Variants in ZNF782 observed in about 807,000 individuals in gnomAD.
ZNF782 encodes zinc finger protein 782.
Under a neutral mutation model 13.0 loss-of-function variants are expected in ZNF782, and 12 were observed. The ratio of observed to expected loss-of-function variants is 0.92; its 90% confidence interval spans 0.59 to 1.50. The LOEUF (loss-of-function observed/expected upper bound fraction) is 1.50. Ranked by LOEUF, ZNF782 falls within the 40% of genes most tolerant of loss-of-function variation. ZNF782 has a pLI of 0.00. For synonymous variants in ZNF782, 284 were observed against 283.0 expected (o/e 1.00, Z -0.04); for missense variants, 770 against 822.9 (o/e 0.94, Z 0.79).
At chr9:96,856,750 A>G (rs897657997), upstream of ZNF782, among the ~76,000 whole-genome samples, 7 of 147,088 alleles carry the variant, frequency 4.8e-5, no homozygotes, top group African/African-American at 1.9e-4. Flanking sequence ...TAGCAGGGTT[A>G]GAGGAATCCC....
At chr9:96,826,764 GCAGATGCTAGA>G (rs1202810045) in intron 5 of ZNF782, among the ~76,000 whole-genome samples, 1 of 152,102 alleles carries the variant, frequency 6.6e-6, no homozygotes, top group African/African-American at 2.4e-5. Context: ...TGTAATTTTG[GCAGATGCTAGA>G]CAGAGGGTGT....
chr9:96,912,380 G>T, the ZNF782 span, among the ~76,000 whole-genome samples: 1 of 149,064 alleles, frequency 6.7e-6, no homozygotes, highest in Non-Finnish European at 1.5e-5. Flanking sequence ...CAAAAAATTG[G>T]CTGGGCGTAG....
chr9:96,887,320 AG>A, the ZNF782 span: 16 of 149,028 alleles, frequency 1.1e-4, no homozygotes, highest in African/African-American at 3.1e-4. Context: ...GAAGGAAGGA[AG>A]GAAGGAAGGA....
chr9:96,859,097 G>T (rs114760174), upstream of ZNF782, among the ~76,000 whole-genome samples: 1,499 of 152,050 alleles, frequency 9.9e-3, 21 homozygotes, highest in African/African-American at 0.034. Context: ...GTGCTAGCCA[G>T]AAGGGAATTG....
the ZNF782 span, among the ~76,000 whole-genome samples, chr9:96,904,896 T>G: frequency 8.3e-6 from 1 of 119,834 alleles, no homozygotes; most frequent in Non-Finnish European, 1.5e-5. Context: ...GTTCATTTTT[T>G]TGCAGGATGA....
intron 1 of ZNF782, among the ~76,000 whole-genome samples, chr9:96,865,419 T>C (rs1378109175): frequency 6.6e-6 from 1 of 152,356 alleles, no homozygotes; most frequent in African/African-American, 2.4e-5. Flanking sequence ...CTCGTCTGTT[T>C]GCCTGCTGCC....
At chr9:96,893,999 C>CAAAAAAAAAAAAAAAAAAAAAAAA in the ZNF782 span, 1 of 48,888 alleles carries the variant, frequency 2.0e-5, no homozygotes, top group East Asian at 4.2e-4. Context: ...GACTCCGTCT[C>CAAAAAAAAAAAAAAAAAAAAAAAA]AAAAAAAAAA....
At chr9:96,910,782 G>T in the ZNF782 span, among the ~76,000 whole-genome samples, 3 of 148,446 alleles carry the variant, frequency 2.0e-5, no homozygotes, top group Non-Finnish European at 4.5e-5. Context: ...GACTACAGGC[G>T]CCCGCCACGA....
At chr9:96,886,104 TC>T in the ZNF782 span, among the ~76,000 whole-genome samples, 1 of 151,150 alleles carries the variant, frequency 6.6e-6, no homozygotes, top group African/African-American at 2.4e-5. Flanking sequence ...TGCTTCAGCC[TC>T]CCAAAGTGCT....
In ZNF782 at chr9:96,819,082, T is replaced by C. The variant is rs373112190; in HGVS notation, c.941A>G (p.Glu314Gly). ...HRVHIGVKPF[E>G]YGKSFNRNST... ...ATTACGGTTGAAACTTTTTCCATAT[T>C]CAAAGGGTTTCACCCCTATATGAAC... Residue 314 changes from glutamate (E) to glycine (G), a missense_variant, in exon 6 of 6, where the codon GAA becomes GGA. Coordinates refer to ENST00000481138, the MANE Select transcript of ZNF782 (RefSeq NM_001001662.3). 6.2e-7 allele frequency: 1 copy of C among 1,614,006 alleles called. No homozygotes were observed. The highest frequency in any genetic ancestry group is 8.5e-7 in the Non-Finnish European group (1 of 1,180,044).
the ZNF782 span, among the ~76,000 whole-genome samples, chr9:96,896,803 T>C: frequency 2.0e-5 from 3 of 152,188 alleles, no homozygotes; most frequent in Non-Finnish European, 2.9e-5. Flanking sequence ...CCAATGGTGC[T>C]TGAAGTGTCA....
At chr9:96,885,432 T>G in the ZNF782 span, among the ~76,000 whole-genome samples, 3 of 151,892 alleles carry the variant, frequency 2.0e-5, no homozygotes, top group Non-Finnish European at 2.9e-5. Flanking sequence ...ATCAATAAAA[T>G]TTACCCAATG....
intron 5 of ZNF782, among the ~76,000 whole-genome samples, chr9:96,822,839 T>C (rs1850472445): frequency 6.6e-6 from 1 of 152,220 alleles, no homozygotes; most frequent in Non-Finnish European, 1.5e-5. Flanking sequence ...TGATTAAATA[T>C]GTTTTTAAAG....
rs115835412 is a variant in ZNF782, at chr9:96,874,926, G to A, written c.-457+542C>T. On this transcript the variant is annotated intron_variant, in intron 1 of 5. Transcript: ENST00000498811. ...TGCCAGAGTGGCTAGGCGCCTTCGT[G>A]TGACCCAACGGATCTGACCAGACAC... Among the ~76,000 whole-genome samples the A allele has an allele frequency of 2.3e-3, 349 of 152,344 alleles. 2 individuals carry two copies. The highest frequency in any genetic ancestry group is 7.9e-3 in the African/African-American group (329 of 41,586).
At position 96,845,062 on chromosome 9, in the gene ZNF782, A is replaced by G. The variant is rs1329886325; in HGVS notation, c.16-46T>C. The G allele has an allele frequency of 6.8e-6, 11 of 1,607,254 alleles. No individual in the cohort carries two copies. In the African/African-American group the frequency reaches 1.3e-4, roughly 20 times the overall value. ...TTAATCTGAGTGTTCAGAATCAAGG[A>G]AAGGAAAACGTTTTCGGAAACTAAC... On this transcript the variant is annotated intron_variant, in intron 3 of 5. Coordinates refer to ENST00000481138, the MANE Select transcript of ZNF782 (RefSeq NM_001001662.3).
At chr9:96,863,425 C>A (rs149969731) in intron 1 of ZNF782, among the ~76,000 whole-genome samples, 87 of 151,822 alleles carry the variant, frequency 5.7e-4, no homozygotes, top group African/African-American at 2.1e-3. Context: ...GGAATGTGAA[C>A]TAGTACAACC....
chr9:96,835,573 T>C (rs1024572121), intron 4 of ZNF782, among the ~76,000 whole-genome samples: 2 of 152,210 alleles, frequency 1.3e-5, no homozygotes, highest in African/African-American at 4.8e-5. Context: ...TCCTGCATCC[T>C]AGCTGCTTCA....
intron 2 of ZNF782, 137 bp from the exon 3 acceptor site, chr9:96,852,142 G>C (rs1251691517): frequency 1.6e-6 from 1 of 609,254 alleles, no homozygotes; most frequent in African/African-American, 1.9e-5. Flanking sequence ...GAAAAGGCAT[G>C]AGAAGCACCA....
chr9:96,928,009 A>C, the ZNF782 span, among the ~76,000 whole-genome samples: 1 of 146,790 alleles, frequency 6.8e-6, no homozygotes, highest in Non-Finnish European at 1.5e-5. Context: ...TAGCTTCATT[A>C]TGCTTTTGAT....
Sources: gnomAD v4.1 joint callset for allele counts (sites outside exome capture counted in the v4.1 genomes callset) on GRCh38, gnomAD v4.1.1 for gene constraint, MANE v1.5 for transcripts, NCBI Gene and HGNC (gene_info 2026-07-23, HGNC 2026-07-21) for gene names.